The following PHF12 variants were observed in gnomAD, a reference collection of about 807,000 sequenced individuals.
PHF12 encodes PHD factor 1.
PHF12 carries 6 observed loss-of-function variants against 99.8 expected under a neutral mutation model. That is an observed-to-expected ratio of 0.06 (90% CI 0.03 to 0.12). The LOEUF is 0.12. PHF12 is among the 10% of genes least tolerant of loss of function. The pLI is 1.00. For missense variants in PHF12, 954 were observed against 1,300.1 expected, an observed-to-expected ratio of 0.73 and a Z score of 4.09; for synonymous variants, 480 against 514.9, an observed-to-expected ratio of 0.93 and a Z score of 0.92.
chr17:28,940,034 C>T (rs1050487880), intron 2 of PHF12, among the ~76,000 whole-genome samples: 1 of 152,216 alleles, frequency 6.6e-6, no homozygotes, highest in African/African-American at 2.4e-5. Flanking sequence ...GTCTTTTGTC[C>T]TGTCAAGGCT....
rs577144623 is a variant in PHF12, at chr17:28,912,556, G to A, written c.2015C>T (p.Pro672Leu). The change falls in exon 9 of 15, where the codon CCC becomes CTC. Residue 672 changes from proline (P) to leucine (L), a missense_variant. Pro to Leu is a moderately conservative substitution (Grantham distance 98). This residue lies in a region of PHF12 where 392 missense variants were observed against 423.1 expected (regional missense o/e 0.93). Coordinates refer to ENST00000332830, the MANE Select transcript of PHF12 (RefSeq NM_001033561.2). ...GATACCATCTCCTGCTGCTTGCGGG[G>A]GAGTGAGCACCCGGGTGGCGTTTGG... ...SPPNATRVLT[P>L]PQAAGDGILA... 1 of 1,614,006 alleles carries A rather than the reference G, an allele frequency of 6.2e-7. No individual in the cohort carries two copies. Among genetic ancestry groups the A allele is most frequent in the African/African-American group, 1.3e-5 (1 of 75,060 alleles).
intron 7 of PHF12, among the ~76,000 whole-genome samples, chr17:28,915,178 A>G (rs769894451): frequency 9.2e-5 from 14 of 152,220 alleles, no homozygotes; most frequent in Non-Finnish European, 1.6e-4. Flanking sequence ...TTCCAGGCAG[A>G]TAAAGGAAAA....
intron 5 of PHF12, 117 bp from the exon 6 acceptor site, chr17:28,919,392 ACATTCTCCCCTAT>A: frequency 4.8e-6 from 1 of 209,676 alleles, no homozygotes; most frequent in Non-Finnish European, 8.7e-6. Context: ...CTTGATCCTA[ACATTCTCCCCTAT>A]CTTCCTCCAG....
chr17:28,940,055 T>G (rs1173636977), intron 2 of PHF12, among the ~76,000 whole-genome samples: 1 of 152,240 alleles, frequency 6.6e-6, no homozygotes, highest in Non-Finnish European at 1.5e-5. Flanking sequence ...GAGAAACATT[T>G]CTTGGGAGAT....
rs568797048 is a variant in PHF12, at chr17:28,921,609, T to C, written c.836+79A>G. The C allele has an allele frequency of 5.6e-4, 858 of 1,518,878 alleles. 1 individual carries two copies. The highest frequency in any genetic ancestry group is 4.4e-4 in the Non-Finnish European group (490 of 1,103,006). 94.1% of individuals were successfully genotyped at this position (1,518,878 alleles called of 1,614,324 possible). ...ATGGGCTGTTCACATTTAACATACA[T>C]GGTCTGGAAGAGGTGATGAGAGAAA... On this transcript the variant is annotated intron_variant, in intron 5 of 14. Coordinates refer to ENST00000332830, the MANE Select transcript of PHF12 (RefSeq NM_001033561.2).
At chr17:28,946,301 T>C (rs1343984855) in intron 2 of PHF12, among the ~76,000 whole-genome samples, 1 of 152,224 alleles carries the variant, frequency 6.6e-6, no homozygotes, top group Non-Finnish European at 1.5e-5. Flanking sequence ...CTTAATTCTT[T>C]GGTGAGGTCA....
At position 28,906,514 on chromosome 17, in the gene PHF12, C is replaced by A. The variant is rs774577959; in HGVS notation, c.2684G>T (p.Arg895Leu). The A allele has an allele frequency of 6.3e-7, 1 of 1,592,438 alleles. No individual in the cohort carries two copies. Among genetic ancestry groups the A allele is most frequent in the Admixed American group, 1.7e-5 (1 of 58,010 alleles). Residue 895 changes from arginine (R) to leucine (L), a missense_variant, in exon 15 of 15, where the codon CGC becomes CTC. Transcript: ENST00000332830. The surrounding 1 kb of genome is among the most constrained non-coding windows in gnomAD (Gnocchi z 4.2). ...TTCGTCCTGTTTCTGGTGCCGGCGGCGCCCTGGGAAAAAGGGGGATGGTCA... is the reference window on the plus strand; with the variant it reads ...TTCGTCCTGTTTCTGGTGCCGGCGGAGCCCTGGGAAAAAGGGGGATGGTCA... ...IVAKVQSVIRRRRHQKQDEEP... is the reference protein window; with the variant it reads ...IVAKVQSVIRLRRHQKQDEEP...
intron 2 of PHF12, among the ~76,000 whole-genome samples, chr17:28,937,844 T>C (rs145332521): frequency 0.019 from 2,937 of 152,240 alleles, 68 homozygotes; most frequent in Admixed American, 0.064. Context: ...TGGGCTGGGG[T>C]GCAAACATTT....
chr17:28,913,213 G>A lies in PHF12; in HGVS notation c.1358C>T (p.Pro453Leu). Residue 453 changes from proline to leucine, a missense_variant, in exon 9 of 15, where the codon CCT becomes CTT. Pro to Leu is a moderately conservative substitution (Grantham distance 98). Around this residue, in one of 8 missense-constraint regions of PHF12, gnomAD observed 392 missense variants for 423.1 expected, o/e 0.93. Transcript: ENST00000332830. ...TGTCTGTTCAGAGTCCCAATGCGAA[G>A]GCATCTGCTTAGCAGATAAATGTTT... ...ILKHLSAKQM[P>L]SHWDSEQTEK... 1 of 1,614,182 alleles carries A rather than the reference G, an allele frequency of 6.2e-7. No individual in the cohort carries two copies. The highest frequency in any genetic ancestry group is 8.5e-7 in the Non-Finnish European group (1 of 1,180,024).
intron 2 of PHF12, among the ~76,000 whole-genome samples, chr17:28,933,620 T>C (rs2040454850): frequency 6.6e-6 from 1 of 152,218 alleles, no homozygotes; most frequent in African/African-American, 2.4e-5. Context: ...CAGGGTACCC[T>C]CCTTAACCTC....
chr17:28,908,951 A>C, intron 11 of PHF12, 70 bp from the exon 12 acceptor site: 2 of 1,405,784 alleles, frequency 1.4e-6, no homozygotes, highest in East Asian at 4.9e-5. Flanking sequence ...AAACCAACAA[A>C]ATCTGGACCT....
At chr17:28,918,016 G>A (rs1168259884) in intron 6 of PHF12, among the ~76,000 whole-genome samples, 1 of 152,130 alleles carries the variant, frequency 6.6e-6, no homozygotes, top group African/African-American at 2.4e-5. Flanking sequence ...CTACTGGAAG[G>A]GAAAACCTTG....
rs935557351 is a variant in PHF12 at position 28,949,745 on chromosome 17, T to G, written c.248+320A>C. The G allele has an allele frequency of 2.5e-5, 6 of 236,494 alleles. No individual in the cohort carries two copies. Among genetic ancestry groups the G allele is most frequent in the South Asian group, 2.1e-4 (2 of 9,498 alleles). The allele number at this position is 236,494 out of a possible 1,614,324, so 14.6% of individuals were successfully genotyped here. ...AGGCAAGCGGCACTGGGCCCGGAGC[T>G]CCTCCCCTTCCTCCCCCGCCACTGC... On this transcript the variant is annotated intron_variant, in intron 2 of 14. Transcript: ENST00000332830. This position sits in a 1 kb window ranked among gnomAD's most constrained non-coding sequence, Gnocchi z 4.6.
chr17:28,915,661 G>T (rs1348495860), intron 7 of PHF12, among the ~76,000 whole-genome samples: 1 of 152,144 alleles, frequency 6.6e-6, no homozygotes, highest in African/African-American at 2.4e-5. Flanking sequence ...GAAGAGTGAA[G>T]GGCTAAGTGG....
Position 28,950,026 on chromosome 17 carries a change from G to C in PHF12, c.248+39C>G. 1 of 1,529,172 alleles carries C rather than the reference G, an allele frequency of 6.5e-7. No homozygotes were observed. Among genetic ancestry groups the C allele is most frequent in the Non-Finnish European group, 8.8e-7 (1 of 1,131,640 alleles). The allele number at this position is 1,529,172 out of a possible 1,614,324, so 94.7% of individuals were successfully genotyped here. On this transcript the variant is annotated intron_variant, in intron 2 of 14. Coordinates refer to ENST00000332830, the MANE Select transcript of PHF12 (RefSeq NM_001033561.2). The surrounding 1 kb of genome is among the most constrained non-coding windows in gnomAD (Gnocchi z 5.7). ...CCGGGTGAAGGAATGCGCAGAGAAGGGTCCGCCAAGAAGCTCCAAAAGGGT... is the reference window on the plus strand; with the variant it reads ...CCGGGTGAAGGAATGCGCAGAGAAGCGTCCGCCAAGAAGCTCCAAAAGGGT...
chr17:28,911,224 G>A lies in PHF12; in HGVS notation c.2103C>T (p.Ser701=). The change falls in exon 10 of 15, where the codon AGC becomes AGT. Residue 701 remains serine, a synonymous_variant. Transcript: ENST00000332830. ...SPAPSSDGKV[S]PGTLSIGSAL... The stretch of plus-strand genomic sequence containing the variant: ...CGCTTCCTATGGATAACGTGCCGGG[G>A]CTGACCTTGCCATCTGGGGACGGAG... The A allele has an allele frequency of 6.2e-7, 1 of 1,614,144 alleles. No individual in the cohort carries two copies. Among genetic ancestry groups the A allele is most frequent in the Non-Finnish European group, 8.5e-7 (1 of 1,180,004 alleles).
intron 2 of PHF12, among the ~76,000 whole-genome samples, chr17:28,943,585 A>G (rs1442851412): frequency 6.6e-6 from 1 of 152,124 alleles, no homozygotes; most frequent in African/African-American, 2.4e-5. Context: ...AGCTGAGATC[A>G]CTCCACTGCA....
chr17:28,914,543 G>A (rs1322814259), intron 7 of PHF12, among the ~76,000 whole-genome samples: 1 of 151,674 alleles, frequency 6.6e-6, no homozygotes, highest in African/African-American at 2.4e-5. Flanking sequence ...GTGGTGGTGG[G>A]CGCCTATAGT....
At chr17:28,942,576 G>T (rs990500064) in intron 2 of PHF12, among the ~76,000 whole-genome samples, 3 of 152,058 alleles carry the variant, frequency 2.0e-5, no homozygotes, top group Non-Finnish European at 4.4e-5. Context: ...CCAGCACTTT[G>T]CGAGGCCGAG....
Sources: gnomAD v4.1 joint callset for allele counts (sites outside exome capture counted in the v4.1 genomes callset) on GRCh38, gnomAD v4.1.1 for gene constraint, gnomAD v4.1.1 regional missense constraint, Gnocchi (gnomAD v3.1) non-coding constraint, MANE v1.5 for transcripts, NCBI Gene and HGNC (gene_info 2026-07-23, HGNC 2026-07-21) for gene names.